Variants in SMARCA5 observed in about 807,000 individuals in gnomAD.
SMARCA5 encodes SNF2 related chromatin remodeling ATPase 5.
SMARCA5 carries 18 observed loss-of-function variants against 140.4 expected under a neutral mutation model. The ratio of observed to expected loss-of-function variants is 0.13; its 90% CI spans 0.09 to 0.19. SMARCA5 has a LOEUF of 0.19. Among genes scored for constraint, SMARCA5 ranks in the 10% least tolerant of loss-of-function variants. The probability of loss-of-function intolerance (pLI) is 1.00; values close to 1 mark genes in which losing one functional copy is unlikely to be tolerated. For synonymous variants in SMARCA5, 449 were observed against 419.6 expected (o/e 1.07, Z -0.86); for missense variants, 606 against 1,276.8 (o/e 0.47, Z 8.01).
chr4:143,523,643 A>G (rs576893017), intron 3 of SMARCA5, among the ~76,000 whole-genome samples: 2 of 152,218 alleles, frequency 1.3e-5, no homozygotes, highest in East Asian at 3.8e-4. Context: ...GAATGCTTCT[A>G]TCTTGGAAGG....
intron 3 of SMARCA5, 137 bp from the exon 4 acceptor site, chr4:143,524,230 C>T: frequency 2.0e-6 from 1 of 511,296 alleles, no homozygotes; most frequent in Non-Finnish European, 3.6e-6. Flanking sequence ...CTCATATTTT[C>T]TACTGTCCAC....
Position 143,513,930 on chromosome 4 carries a change from G to C in SMARCA5, c.6G>C (p.Ser2=). 1.9e-6 allele frequency: 3 copies of C among 1,543,530 alleles called. No homozygotes were observed. The highest frequency in any genetic ancestry group is 2.6e-6 in the Non-Finnish European group (3 of 1,151,588). ...GGTGACGCAGACGGAACATCATGTC[G>C]TCCGCGGCCGAGCCTCCGCCACCCC... M[S]SAAEPPPPPP... Residue 2 remains serine, a synonymous_variant, in exon 1 of 24, where the codon TCG becomes TCC. Coordinates refer to ENST00000283131, the MANE Select transcript of SMARCA5 (RefSeq NM_003601.4).
At chr4:143,525,726 C>T (rs1222659017) in intron 5 of SMARCA5, among the ~76,000 whole-genome samples, 175 bp downstream of exon 5, 1 of 152,114 alleles carries the variant, frequency 6.6e-6, no homozygotes, top group Non-Finnish European at 1.5e-5. Flanking sequence ...GAGAAATTTC[C>T]ATCGCTGAAA....
intron 3 of SMARCA5, among the ~76,000 whole-genome samples, chr4:143,522,834 G>C (rs1016145646): frequency 6.6e-6 from 1 of 151,596 alleles, no homozygotes; most frequent in Admixed American, 6.6e-5. Flanking sequence ...TTTTTTATAA[G>C]ATAAAAAAGA....
chr4:143,528,218 T>C (rs2149819220), intron 7 of SMARCA5, among the ~76,000 whole-genome samples, 195 bp downstream of exon 7: 1 of 152,322 alleles, frequency 6.6e-6, no homozygotes, highest in South Asian at 2.1e-4. Context: ...TAGGTATTTG[T>C]CCTAATGCTC....
At position 143,514,046 on chromosome 4, in the gene SMARCA5, C is replaced by T; in HGVS notation, c.122C>T (p.Ala41Val). 6.4e-7 allele frequency: 1 copy of T among 1,558,948 alleles called. No individual in the cohort carries two copies. Among genetic ancestry groups the T allele is most frequent in the South Asian group, 1.2e-5 (1 of 86,644 alleles). ...AACAAAGGCGGCCCCGAAGGCGTCGCGGCGCAGGCGGTTGCGTCTGCGGCC... is the reference window on the plus strand; with the variant it reads ...AACAAAGGCGGCCCCGAAGGCGTCGTGGCGCAGGCGGTTGCGTCTGCGGCC... ...SSNKGGPEGV[A>V]AQAVASAASA... The change falls in exon 1 of 24, where the codon GCG (alanine) becomes GTG (valine). Residue 41 changes from alanine (A) to valine (V), a missense_variant. Ala to Val is a moderately conservative substitution (Grantham distance 64). Coordinates refer to ENST00000283131, the MANE Select transcript of SMARCA5 (RefSeq NM_003601.4).
Position 143,555,130 on chromosome 4 carries a change from T to G in SMARCA5, c.*1946T>G. The stretch of plus-strand genomic sequence containing the variant: ...AGCTACTACTGCTACTGGAACTGCC[T>G]TAACCACTACTGCTACTGGAACTGC... On this transcript the variant is annotated 3_prime_UTR_variant, in exon 24 of 24. Coordinates refer to ENST00000283131, the MANE Select transcript of SMARCA5 (RefSeq NM_003601.4). 1 of 692,866 alleles carries G rather than the reference T, an allele frequency of 1.4e-6. No individual in the cohort carries two copies. Among genetic ancestry groups the G allele is most frequent in the Admixed American group, 1.8e-5 (1 of 56,044 alleles). The allele number at this position is 692,866 out of a possible 1,614,324, so 42.9% of individuals were successfully genotyped here.
intron 13 of SMARCA5, among the ~76,000 whole-genome samples, chr4:143,539,392 G>T (rs915139436): frequency 3.3e-5 from 5 of 152,126 alleles, no homozygotes; most frequent in Admixed American, 2.0e-4. Context: ...TTCCACTTTA[G>T]TTATTTAAAA....
At chr4:143,519,632 T>G (rs1736914348) in intron 2 of SMARCA5, among the ~76,000 whole-genome samples, 1 of 152,130 alleles carries the variant, frequency 6.6e-6, no homozygotes. Context: ...CACAGTTTTC[T>G]TCTAAGCAAG....
At chr4:143,514,444 C>T (rs562206685) in intron 1 of SMARCA5, 89 of 232,422 alleles carry the variant, frequency 3.8e-4, no homozygotes, top group African/African-American at 1.9e-3. Context: ...CCCTCTCCTA[C>T]CTCTGAATGT....
chr4:143,521,404 T>C, intron 2 of SMARCA5, 25 bp from the exon 3 acceptor site: 7 of 1,557,698 alleles, frequency 4.5e-6, no homozygotes, highest in Non-Finnish European at 5.3e-6. Context: ...TCTGATAAAA[T>C]GTATCTTAAA....
chr4:143,549,380 C>T (rs1056957926), intron 22 of SMARCA5, among the ~76,000 whole-genome samples: 11 of 152,016 alleles, frequency 7.2e-5, no homozygotes, highest in Admixed American at 1.3e-4. Flanking sequence ...ACCCAGCAGC[C>T]GTCCGTGCAG....
chr4:143,517,787 C>A lies in SMARCA5; in HGVS notation c.252+358C>A, dbSNP rs149617250. ...TAGGCCCTACCTCCCAACACTGTTG[C>A]GTTGGGGATTAAATTACAACATGGG... On this transcript the variant is annotated intron_variant, in intron 2 of 23. Coordinates refer to ENST00000283131, the MANE Select transcript of SMARCA5 (RefSeq NM_003601.4). Among the ~76,000 whole-genome samples the A allele has an allele frequency of 3.4e-3, 519 of 152,210 alleles. 5 individuals are homozygous for A. Among genetic ancestry groups the A allele is most frequent in the African/African-American group, 0.011 (469 of 41,524 alleles).
chr4:143,531,931 A>G (rs1261120421), intron 9 of SMARCA5, among the ~76,000 whole-genome samples: 3 of 152,132 alleles, frequency 2.0e-5, no homozygotes, highest in African/African-American at 7.2e-5. Context: ...TGTGTATTCC[A>G]TCTTTAACAA....
Position 143,549,957 on chromosome 4 carries a change from T to C in SMARCA5, c.2986-40T>C, listed in dbSNP as rs753680559. On this transcript the variant is annotated intron_variant, in intron 22 of 23. Transcript: ENST00000283131. ...TTTAAAATTGAAATCATGAAACTTG[T>C]GGATGGAAAGTGCGTGTACCATGTT... 5.3e-6 allele frequency: 6 copies of C among 1,122,874 alleles called. No individual in the cohort carries two copies. The East Asian group carries it at 1.2e-4, about 22-fold the overall frequency. 69.6% of individuals were successfully genotyped at this position (1,122,874 alleles called of 1,614,324 possible).
At chr4:143,523,898 T>C (rs1398192242) in intron 3 of SMARCA5, among the ~76,000 whole-genome samples, 1 of 152,206 alleles carries the variant, frequency 6.6e-6, no homozygotes, top group Non-Finnish European at 1.5e-5. Context: ...TCTCTTAGGA[T>C]GTAGAATTTA....
At chr4:143,543,383 C>A in intron 14 of SMARCA5, 126 bp from the exon 15 acceptor site, 1 of 790,784 alleles carries the variant, frequency 1.3e-6, no homozygotes, top group Non-Finnish European at 1.9e-6. Context: ...TGTGAATAAA[C>A]AGTAAACAGA....
Position 143,532,108 on chromosome 4 carries a change from T to A in SMARCA5, c.1158+1582T>A, listed in dbSNP as rs548123362. Among the ~76,000 whole-genome samples, 12 of 152,338 alleles carry A rather than the reference T, an allele frequency of 7.9e-5. No homozygotes were observed. In the South Asian group the frequency reaches 2.3e-3, roughly 29 times the overall value. ...GGATATTTGAACAGGGAAAAAAATT[T>A]AAGTTCATGATTGTTCAAATATTTC... On this transcript the variant is annotated intron_variant, in intron 9 of 23. Coordinates refer to ENST00000283131, the MANE Select transcript of SMARCA5 (RefSeq NM_003601.4).
At position 143,530,529 on chromosome 4, in the gene SMARCA5, A is replaced by G. The variant is rs1737163418; in HGVS notation, c.1158+3A>G. The G allele has an allele frequency of 6.2e-7, 1 of 1,602,544 alleles. No homozygotes were observed. Among genetic ancestry groups the G allele is most frequent in the Non-Finnish European group, 8.5e-7 (1 of 1,170,602 alleles). On this transcript the variant is annotated splice_donor_region_variant and intron_variant, in intron 9 of 23. Coordinates refer to ENST00000283131, the MANE Select transcript of SMARCA5 (RefSeq NM_003601.4). ...AACTAGTTGAGAGGCTTCATATGGT[A>G]AGTATTTTGGAGTAGTGTTAAAGCA...
Sources: gnomAD v4.1 joint callset for allele counts (sites outside exome capture counted in the v4.1 genomes callset) on GRCh38, gnomAD v4.1.1 for gene constraint, MANE v1.5 for transcripts, NCBI Gene and HGNC (gene_info 2026-07-23, HGNC 2026-07-21) for gene names.